TLK2: variants seen among roughly 807,000 people sequenced by gnomAD.
TLK2 encodes the protein tousled like kinase 2.
Under a neutral mutation model 117.3 loss-of-function variants are expected in TLK2, and 6 were observed. The ratio of observed to expected loss-of-function variants is 0.05; its 90% confidence interval spans 0.03 to 0.10. The LOEUF (loss-of-function observed/expected upper bound fraction) is 0.10, where lower values mean the gene tolerates loss of function less well. Ranked by LOEUF, TLK2 falls within the 10% of genes least tolerant of loss-of-function variation. TLK2 has a pLI of 1.00. For synonymous variants in TLK2, 257 were observed against 316.7 expected, an observed-to-expected ratio of 0.81 and a Z score of 2.00; for missense variants, 299 against 901.2, an observed-to-expected ratio of 0.33 and a Z score of 8.56.
intron 10 of TLK2, among the ~76,000 whole-genome samples, chr17:62,564,289 G>C (rs2079546085): frequency 6.6e-6 from 1 of 152,146 alleles, no homozygotes; most frequent in African/African-American, 2.4e-5. Flanking sequence ...TGTAATCTCA[G>C]CACTTTGGGA....
chr17:62,481,234 A>G, intron 2 of TLK2, 28 bp downstream of exon 2: 1 of 1,611,168 alleles, frequency 6.2e-7, no homozygotes, highest in Non-Finnish European at 8.5e-7. Flanking sequence ...CATGAACACT[A>G]TTCATATTCT....
At chr17:62,484,908 T>C (rs2072159121) in intron 2 of TLK2, among the ~76,000 whole-genome samples, 1 of 151,936 alleles carries the variant, frequency 6.6e-6, no homozygotes, top group Admixed American at 6.6e-5. Flanking sequence ...ATACAAAAAA[T>C]TAGCTGAGCT....
At chr17:62,476,033 AGTGGT>A (rs1336779108), upstream of TLK2, among the ~76,000 whole-genome samples, 2 of 151,864 alleles carry the variant, frequency 1.3e-5, no homozygotes, top group African/African-American at 2.4e-5. Flanking sequence ...AATGGAGTGC[AGTGGT>A]GCCATCTTGG....
chr17:62,473,228 C>T (rs933934469), intron 1 of TLK2, among the ~76,000 whole-genome samples: 4 of 152,182 alleles, frequency 2.6e-5, no homozygotes, highest in African/African-American at 7.2e-5. Context: ...AGCCCAAGCT[C>T]TACTCTGATG....
Position 62,582,062 on chromosome 17 carries a change from C to A in TLK2, c.1368+1870C>A, listed in dbSNP as rs531206565. ...AGGAGTTTGAAACCAGCCTGGGCAA[C>A]ATAGCAAGACCATGCCTCTACAAAG... On this transcript the variant is annotated intron_variant, in intron 15 of 21. Transcript: ENST00000346027. Among the ~76,000 whole-genome samples, 31 of 152,236 alleles carry A rather than the reference C, an allele frequency of 2.0e-4. 1 individual carries two copies. In the South Asian group the frequency reaches 6.4e-3, roughly 32 times the overall value.
At chr17:62,595,798 A>G (rs2082433758) in intron 16 of TLK2, among the ~76,000 whole-genome samples, 1 of 152,216 alleles carries the variant, frequency 6.6e-6, no homozygotes, top group Non-Finnish European at 1.5e-5. Flanking sequence ...AAAACAAAAA[A>G]TACAAAGTAC....
intron 10 of TLK2, among the ~76,000 whole-genome samples, chr17:62,562,429 T>C (rs2146384325): frequency 6.6e-6 from 1 of 152,218 alleles, no homozygotes; most frequent in African/African-American, 2.4e-5. Context: ...TTTGAATACT[T>C]TAAAAATTTT....
At chr17:62,540,238 TC>T (rs1028351209) in intron 7 of TLK2, among the ~76,000 whole-genome samples, 7 of 150,586 alleles carry the variant, frequency 4.6e-5, no homozygotes, top group Non-Finnish European at 7.4e-5. Context: ...GTGCCTGACT[TC>T]CACAGCCTTC....
In TLK2 at chr17:62,573,295, T is replaced by C. The variant is rs1236980728; in HGVS notation, c.1049T>C (p.Met350Thr). The change falls in exon 12 of 22, where the codon ATG becomes ACG. Residue 350 changes from methionine to threonine, a missense_variant. Transcript: ENST00000346027. Reference sequence around the variant, plus strand: ...TTAGCAAAGCGGAAACCTCCTGCCATGGGTCAGGCCCCTCCTGCAACCAAT... The same window carrying C: ...TTAGCAAAGCGGAAACCTCCTGCCACGGGTCAGGCCCCTCCTGCAACCAAT... ...KMLAKRKPPA[M>T]GQAPPATNEQ... 6.2e-7 allele frequency: 1 copy of C among 1,614,056 alleles called. No individual in the cohort carries two copies. The highest frequency in any genetic ancestry group is 8.5e-7 in the Non-Finnish European group (1 of 1,179,978).
intron 16 of TLK2, among the ~76,000 whole-genome samples, chr17:62,591,956 CTTT>C (rs1015103461): frequency 6.9e-6 from 1 of 145,638 alleles, no homozygotes; most frequent in Non-Finnish European, 1.5e-5. Context: ...ATTCTTTCTT[CTTT>C]TTTTTTTTTT....
intron 2 of TLK2, among the ~76,000 whole-genome samples, chr17:62,485,950 A>G (rs2144525867): frequency 6.8e-6 from 1 of 148,022 alleles, no homozygotes; most frequent in African/African-American, 2.5e-5. Context: ...CCTCCCGAGT[A>G]GCTGGGACTG....
At chr17:62,562,666 T>G (rs997327982) in intron 10 of TLK2, among the ~76,000 whole-genome samples, 20 of 151,714 alleles carry the variant, frequency 1.3e-4, no homozygotes, top group African/African-American at 4.8e-4. Context: ...GATCCAAGGG[T>G]TGGTGAAGAT....
chr17:62,479,649 A>G (rs1213515010), intron 1 of TLK2, among the ~76,000 whole-genome samples: 1 of 151,702 alleles, frequency 6.6e-6, no homozygotes, highest in Admixed American at 6.6e-5. Flanking sequence ...GGAGCCGGCG[A>G]GGGGCGCCGG....
intron 2 of TLK2, among the ~76,000 whole-genome samples, chr17:62,520,290 C>T (rs542746232): frequency 3.3e-5 from 5 of 152,204 alleles, no homozygotes; most frequent in Non-Finnish European, 7.4e-5. Context: ...GAAGGGAGCC[C>T]CTGCCTCTGA....
At chr17:62,519,911 C>G (rs1359161813) in intron 2 of TLK2, among the ~76,000 whole-genome samples, 1 of 152,108 alleles carries the variant, frequency 6.6e-6, no homozygotes. Context: ...GAACCTCTTT[C>G]CACTTGCGTA....
chr17:62,584,180 T>C (rs2081435027), intron 15 of TLK2, among the ~76,000 whole-genome samples: 1 of 143,642 alleles, frequency 7.0e-6, no homozygotes, highest in Non-Finnish European at 1.5e-5. Context: ...GCAGTGGTGC[T>C]ATCTCGGCTC....
rs573810948 is a variant in TLK2 at position 62,605,110 on chromosome 17, G to A, written c.1860-1020G>A. 5.3e-5 allele frequency among the ~76,000 whole-genome samples: 8 copies of A among 151,792 alleles called. No individual in the cohort carries two copies. In the South Asian group the frequency reaches 1.5e-3, roughly 28 times the overall value. ...TGGGAGGCTGAGGCGGGCGGATCAC[G>A]AGGTCAGGAAATCGAGACCATCCTG... On this transcript the variant is annotated intron_variant, in intron 19 of 21. Coordinates refer to ENST00000346027, the MANE Select transcript of TLK2 (RefSeq NM_006852.6).
chr17:62,514,280 A>G (rs1194341844), intron 2 of TLK2, among the ~76,000 whole-genome samples: 1 of 151,300 alleles, frequency 6.6e-6, no homozygotes, highest in East Asian at 2.0e-4. Context: ...AGTAGCTGGG[A>G]CTATAGGTGT....
intron 6 of TLK2, among the ~76,000 whole-genome samples, chr17:62,529,586 T>A (rs2076603328): frequency 6.6e-6 from 1 of 152,222 alleles, no homozygotes; most frequent in Admixed American, 6.5e-5. Flanking sequence ...ATCCAAATCA[T>A]TGTGAGGTAT....
Sources: gnomAD v4.1 joint callset for allele counts (sites outside exome capture counted in the v4.1 genomes callset) on GRCh38, gnomAD v4.1.1 for gene constraint, MANE v1.5 for transcripts, NCBI Gene and HGNC (gene_info 2026-07-23, HGNC 2026-07-21) for gene names.